Variants in SLFNL1 observed in about 807,000 individuals in gnomAD.
SLFNL1 encodes schlafen like 1.
SLFNL1 carries 26 observed loss-of-function variants against 32.5 expected under a neutral mutation model. The observed-to-expected ratio is 0.80, with a 90% CI of 0.59 to 1.11. SLFNL1 has a LOEUF of 1.11. Among genes scored for constraint, SLFNL1 ranks in the 50% least tolerant of loss-of-function variants. The pLI is 0.00. For missense variants in SLFNL1, 553 were observed against 546.5 expected (o/e 1.01, Z -0.12); for synonymous variants, 255 against 242.2 (o/e 1.05, Z -0.49).
Position 41,018,067 on chromosome 1 carries a change from C to T in SLFNL1, c.525G>A (p.Thr175=), listed in dbSNP as rs754860594. 16 of 1,581,666 alleles carry T rather than the reference C, an allele frequency of 1.0e-5. No homozygotes were observed. Among genetic ancestry groups the T allele is most frequent in the South Asian group, 5.7e-5 (5 of 87,542 alleles). Residue 175 remains threonine, a synonymous_variant, in exon 4 of 6, where the codon ACG becomes ACA. Coordinates refer to ENST00000302946, the MANE Select transcript of SLFNL1 (RefSeq NM_144990.4). ...GCTGGGCCTGGGGCCTATCAGGCAG[C>T]GTGTGTGTAGGCCAGGTGGGCAGCG... ...GVPLPTWPTH[T]LPDRPQAQQL...
In SLFNL1 at chr1:41,017,252, G is replaced by C; in HGVS notation, c.1083C>G (p.Ile361Met). 6.3e-7 allele frequency: 1 copy of C among 1,589,856 alleles called. No individual in the cohort carries two copies. The highest frequency in any genetic ancestry group is 8.5e-7 in the Non-Finnish European group (1 of 1,169,898). Residue 361 changes from isoleucine (I) to methionine (M), a missense_variant, in exon 5 of 6, where the codon ATC (isoleucine) becomes ATG (methionine). Physicochemically the swap from Ile to Met is conservative, Grantham distance 10. Coordinates refer to ENST00000302946, the MANE Select transcript of SLFNL1 (RefSeq NM_144990.4). The surrounding 1 kb of genome is among the most constrained non-coding windows in gnomAD (Gnocchi z 4.9). The part of the protein sequence containing the change: ...SIQGPLSASA[I>M]QEWCRQRWLV... ...TCCGTACCTGCCTGCACCACTCCTG[G>C]ATGGCGCTGGCAGACAGCGGGCCCT...
At position 41,017,065 on chromosome 1, in the gene SLFNL1, A is replaced by T; in HGVS notation, c.1101+169T>A. 2 of 772,580 alleles carry T rather than the reference A, an allele frequency of 2.6e-6. No individual in the cohort carries two copies. Among genetic ancestry groups the T allele is most frequent in the Non-Finnish European group, 3.9e-6 (2 of 518,938 alleles). 47.9% of individuals were successfully genotyped at this position (772,580 alleles called of 1,614,324 possible). A position where few individuals can be genotyped will look rare whatever the true frequency, so the allele number is the denominator to read the frequency against. Reference sequence around the variant, plus strand: ...GCCTCTTCCTTCCCACCAGCCACCTACCCGCGGAGTATGGGATGTGGTGTG... The same window carrying T: ...GCCTCTTCCTTCCCACCAGCCACCTTCCCGCGGAGTATGGGATGTGGTGTG... On this transcript the variant is annotated intron_variant, in intron 5 of 5. Coordinates refer to ENST00000302946, the MANE Select transcript of SLFNL1 (RefSeq NM_144990.4). The surrounding 1 kb of genome is among the most constrained non-coding windows in gnomAD (Gnocchi z 4.9).
At position 41,017,875 on chromosome 1, in the gene SLFNL1, G is replaced by A; in HGVS notation, c.717C>T (p.Phe239=). 6.2e-7 allele frequency: 1 copy of A among 1,607,786 alleles called. No homozygotes were observed. The highest frequency in any genetic ancestry group is 8.5e-7 in the Non-Finnish European group (1 of 1,175,534). ...RGSGEYLSLA[F]KHHVRRYVCA... ...ACACGTAGCGCCGCACGTGGTGCTT[G>A]AAGGCCAGGCTGAGGTACTCGCCGC... Residue 239 remains phenylalanine, a synonymous_variant, in exon 4 of 6, where the codon TTC becomes TTT. Transcript: ENST00000302946. The surrounding 1 kb of genome is among the most constrained non-coding windows in gnomAD (Gnocchi z 4.9).
Position 41,017,074 on chromosome 1 carries a change from G to T in SLFNL1, c.1101+160C>A. The T allele has an allele frequency of 1.2e-6, 1 of 842,614 alleles. No individual in the cohort carries two copies. Among genetic ancestry groups the T allele is most frequent in the Non-Finnish European group, 1.7e-6 (1 of 575,656 alleles). 52.2% of individuals were successfully genotyped at this position (842,614 alleles called of 1,614,324 possible). On this transcript the variant is annotated intron_variant, in intron 5 of 5. Coordinates refer to ENST00000302946, the MANE Select transcript of SLFNL1 (RefSeq NM_144990.4). The surrounding 1 kb of genome is among the most constrained non-coding windows in gnomAD (Gnocchi z 4.9). The stretch of plus-strand genomic sequence containing the variant: ...TTCCCACCAGCCACCTACCCGCGGA[G>T]TATGGGATGTGGTGTGATTGTATTC...
At position 41,017,852 on chromosome 1, in the gene SLFNL1, A is replaced by T; in HGVS notation, c.740T>A (p.Val247Glu). The change falls in exon 4 of 6, where the codon GTG becomes GAG. Residue 247 changes from valine (V) to glutamate (E), a missense_variant. By Grantham distance (121) the Val-to-Glu change is moderately radical. Transcript: ENST00000302946. The surrounding 1 kb of genome is among the most constrained non-coding windows in gnomAD (Gnocchi z 4.9). ...GCCCTCGCTGTTGAGGAAGGCGCAC[A>T]CGTAGCGCCGCACGTGGTGCTTGAA... is the stretch of plus-strand genomic sequence containing the variant. ...LAFKHHVRRY[V>E]CAFLNSEGGS... The T allele has an allele frequency of 6.2e-7, 1 of 1,603,318 alleles. No individual in the cohort carries two copies. Among genetic ancestry groups the T allele is most frequent in the Non-Finnish European group, 8.5e-7 (1 of 1,172,124 alleles).
In SLFNL1 at chr1:41,020,278, C is replaced by T. The variant is rs1337950101; in HGVS notation, c.383G>A (p.Arg128His). The T allele has an allele frequency of 1.9e-5, 31 of 1,612,156 alleles. No homozygotes were observed. Among genetic ancestry groups the T allele is most frequent in the Admixed American group, 6.7e-5 (4 of 59,944 alleles). ...EHLILKELAARGKDLLLSEAQ... is the reference protein window; with the variant it reads ...EHLILKELAAHGKDLLLSEAQ... ...CTCACTCAATAGCAGGTCCTTCCCA[C>T]GGGCTGCCAGCTCCTTGAGGATTAG... is the stretch of plus-strand genomic sequence containing the variant. Residue 128 changes from arginine (R) to histidine (H), a missense_variant, in exon 3 of 6, where the codon CGT (arginine) becomes CAT (histidine). Transcript: ENST00000302946.
chr1:41,017,830 C>A lies in SLFNL1; in HGVS notation c.762G>T (p.Glu254Asp). ...CTACTCCCACGAGCAGGCTGCCGCC[C>A]TCGCTGTTGAGGAAGGCGCACACGT... ...RRYVCAFLNS[E>D]GGSLLVGVED... Residue 254 changes from glutamate (E) to aspartate (D), a missense_variant, in exon 4 of 6, where the codon GAG becomes GAT. Physicochemically the swap from Glu to Asp is conservative, Grantham distance 45. Transcript: ENST00000302946. The surrounding 1 kb of genome is among the most constrained non-coding windows in gnomAD (Gnocchi z 4.9). 1 of 1,598,796 alleles carries A rather than the reference C, an allele frequency of 6.3e-7. No homozygotes were observed. Among genetic ancestry groups the A allele is most frequent in the Non-Finnish European group, 8.6e-7 (1 of 1,169,020 alleles).
In SLFNL1 at chr1:41,017,284, T is replaced by C; in HGVS notation, c.1051A>G (p.Ser351Gly). The change falls in exon 5 of 6, where the codon AGC becomes GGC. Residue 351 changes from serine to glycine, a missense_variant. Transcript: ENST00000302946. This position sits in a 1 kb window ranked among gnomAD's most constrained non-coding sequence, Gnocchi z 4.9. ...CTGGCAGACAGCGGGCCCTGGATGC[T>C]CCCGTCGCGCCGCAGAAACACCTCC... ...QGEVFLRRDGSIQGPLSASAI... is the reference protein window; with the variant it reads ...QGEVFLRRDGGIQGPLSASAI... 2 of 1,609,622 alleles carry C rather than the reference T, an allele frequency of 1.2e-6. No homozygotes were observed. The highest frequency in any genetic ancestry group is 1.1e-5 in the South Asian group (1 of 90,276).
Position 41,017,464 on chromosome 1 carries a change from G to A in SLFNL1, c.958-87C>T. On this transcript the variant is annotated intron_variant, in intron 4 of 5. Transcript: ENST00000302946. This position sits in a 1 kb window ranked among gnomAD's most constrained non-coding sequence, Gnocchi z 4.9. Reference sequence around the variant, plus strand: ...GCCAGGCTGCTCAGCATTGCTCACTGATTCCTTAGGGCAGGCCAGCAGGGC... The same window carrying A: ...GCCAGGCTGCTCAGCATTGCTCACTAATTCCTTAGGGCAGGCCAGCAGGGC... 1 of 1,541,760 alleles carries A rather than the reference G, an allele frequency of 6.5e-7. No individual in the cohort carries two copies. Among genetic ancestry groups the A allele is most frequent in the Non-Finnish European group, 8.7e-7 (1 of 1,145,754 alleles).
chr1:41,017,962 G>A lies in SLFNL1; in HGVS notation c.630C>T (p.Asp210=). 1.2e-6 allele frequency: 2 copies of A among 1,611,684 alleles called. No individual in the cohort carries two copies. Among genetic ancestry groups the A allele is most frequent in the South Asian group, 2.2e-5 (2 of 90,918 alleles). The change falls in exon 4 of 6, where the codon GAC becomes GAT. Residue 210 remains aspartate, a synonymous_variant. Transcript: ENST00000302946. This position sits in a 1 kb window ranked among gnomAD's most constrained non-coding sequence, Gnocchi z 4.9. ...CCAGGAAGGCACCCTGGAAGAGCTG[G>A]TCCTTGCCCACGATCTGCTGGTGCA... is the stretch of plus-strand genomic sequence containing the variant. ...AIVHQQIVGK[D]QLFQGAFLGS...
intron 5 of SLFNL1, 58 bp from the exon 6 acceptor site, chr1:41,016,286 C>A (rs1471356385): frequency 6.3e-7 from 1 of 1,577,628 alleles, no homozygotes; most frequent in Non-Finnish European, 8.6e-7. Context: ...GCCTGTCCGT[C>A]CTCCACCTGG....
In SLFNL1 at chr1:41,020,394, C is replaced by A; in HGVS notation, c.267G>T (p.Pro89=). 6.2e-7 allele frequency: 1 copy of A among 1,613,114 alleles called. No homozygotes were observed. Among genetic ancestry groups the A allele is most frequent in the Non-Finnish European group, 8.5e-7 (1 of 1,180,040 alleles). Reference sequence around the variant, plus strand: ...CCTGCACCAGTGCATAGGCCTTCCGCGGCCGCCTCACCACTTCAATGTGCT... The same window carrying A: ...CCTGCACCAGTGCATAGGCCTTCCGAGGCCGCCTCACCACTTCAATGTGCT... ...AREHIEVVRR[P]RKAYALVQVT... is the part of the protein sequence containing the mutation. The change falls in exon 3 of 6, where the codon CCG becomes CCT. Residue 89 remains proline (P), a synonymous_variant. Coordinates refer to ENST00000302946, the MANE Select transcript of SLFNL1 (RefSeq NM_144990.4).
Position 41,017,304 on chromosome 1 carries a change from A to C in SLFNL1, c.1031T>G (p.Val344Gly). 4 of 1,612,738 alleles carry C rather than the reference A, an allele frequency of 2.5e-6. No homozygotes were observed. Among genetic ancestry groups the C allele is most frequent in the Non-Finnish European group, 3.4e-6 (4 of 1,179,728 alleles). Residue 344 changes from valine to glycine, a missense_variant, in exon 5 of 6, where the codon GTG (valine) becomes GGG (glycine). Physicochemically the swap from Val to Gly is moderately radical, Grantham distance 109. Transcript: ENST00000302946. This position sits in a 1 kb window ranked among gnomAD's most constrained non-coding sequence, Gnocchi z 4.9. ...PQLYQTDQGE[V>G]FLRRDGSIQG... is the part of the protein sequence containing the mutation. The stretch of plus-strand genomic sequence containing the variant: ...GATGCTCCCGTCGCGCCGCAGAAAC[A>C]CCTCCCCCTGGTCTGTCTGGTAGAG...
At position 41,020,312 on chromosome 1, in the gene SLFNL1, C is replaced by T. The variant is rs767667498; in HGVS notation, c.349G>A (p.Glu117Lys). ...SLPWRLQTAL[E>K]EHLILKELAA... ...AGCTCCTTGAGGATTAGGTGCTCCT[C>T]CAGGGCCGTCTGCAGGCGCCAGGGG... Residue 117 changes from glutamate to lysine, a missense_variant, in exon 3 of 6, where the codon GAG (glutamate) becomes AAG (lysine). Transcript: ENST00000302946. 9 of 1,613,712 alleles carry T rather than the reference C, an allele frequency of 5.6e-6. No homozygotes were observed. Among genetic ancestry groups the T allele is most frequent in the South Asian group, 5.5e-5 (5 of 91,070 alleles).
At chr1:41,018,667 C>G (rs1043813333) in intron 3 of SLFNL1, among the ~76,000 whole-genome samples, 1 of 152,018 alleles carries the variant, frequency 6.6e-6, no homozygotes, top group Admixed American at 6.6e-5. Flanking sequence ...CGCCCTAATC[C>G]CCACTTTCTT....
chr1:41,016,419 GC>G, intron 5 of SLFNL1, 191 bp from the exon 6 acceptor site: 1 of 811,860 alleles, frequency 1.2e-6, no homozygotes, highest in Non-Finnish European at 1.9e-6. Context: ...GCTGCCGGCT[GC>G]CAGCCATGGA....
Position 41,020,670 on chromosome 1 carries a change from C to A in SLFNL1, c.-10G>T. The A allele has an allele frequency of 6.2e-7, 1 of 1,600,762 alleles. No homozygotes were observed. Among genetic ancestry groups the A allele is most frequent in the Non-Finnish European group, 8.5e-7 (1 of 1,170,550 alleles). ...TCTTCATGGGGGTCATGGGAAGGCT[C>A]TCCCTGGGAAGGGGTTCCAGGATTC... On this transcript the variant is annotated 5_prime_UTR_variant, in exon 3 of 6. Coordinates refer to ENST00000302946, the MANE Select transcript of SLFNL1 (RefSeq NM_144990.4).
Position 41,017,214 on chromosome 1 carries a change from A to C in SLFNL1, c.1101+20T>G. On this transcript the variant is annotated intron_variant, in intron 5 of 5. Coordinates refer to ENST00000302946, the MANE Select transcript of SLFNL1 (RefSeq NM_144990.4). The surrounding 1 kb of genome is among the most constrained non-coding windows in gnomAD (Gnocchi z 4.9). ...GGGTCAGCTCCGCTCCACCCCACCCACTGGCCTCAGCTTCCGTACCTGCCT... is the reference window on the plus strand; with the variant it reads ...GGGTCAGCTCCGCTCCACCCCACCCCCTGGCCTCAGCTTCCGTACCTGCCT... 7.8e-6 allele frequency: 12 copies of C among 1,541,542 alleles called. No homozygotes were observed. The highest frequency in any genetic ancestry group is 1.0e-5 in the Non-Finnish European group (12 of 1,147,084).
chr1:41,016,375 T>C, intron 5 of SLFNL1, 147 bp from the exon 6 acceptor site: 1 of 1,230,854 alleles, frequency 8.1e-7, no homozygotes, highest in South Asian at 1.5e-5. Flanking sequence ...CCCCTCGGCC[T>C]GCTGCCACCT....
Sources: gnomAD v4.1 joint callset for allele counts (sites outside exome capture counted in the v4.1 genomes callset) on GRCh38, gnomAD v4.1.1 for gene constraint, Gnocchi (gnomAD v3.1) non-coding constraint, MANE v1.5 for transcripts, NCBI Gene and HGNC (gene_info 2026-07-23, HGNC 2026-07-21) for gene names.